The following KIAA0319 variants were observed in gnomAD, a reference collection of about 807,000 sequenced individuals.
KIAA0319 encodes KIAA0319.
In KIAA0319, 83 loss-of-function variants were observed where a neutral mutation model predicts 108.4. The ratio of observed to expected loss-of-function variants is 0.77; its 90% confidence interval spans 0.64 to 0.92. The LOEUF is 0.92. Ranked by LOEUF, KIAA0319 falls within the 40% of genes least tolerant of loss-of-function variation. The pLI, the probability that KIAA0319 is intolerant of heterozygous loss-of-function variation, is 0.00. For synonymous variants in KIAA0319, 484 were observed against 510.4 expected, an observed-to-expected ratio of 0.95 and a Z score of 0.70; for missense variants, 1,195 against 1,322.4, an observed-to-expected ratio of 0.90 and a Z score of 1.49.
chr6:24,541,523 C>T (rs755713283), downstream of KIAA0319, among the ~76,000 whole-genome samples: 2 of 152,338 alleles, frequency 1.3e-5, no homozygotes, highest in Admixed American at 6.5e-5. Flanking sequence ...GTCAGCTGGG[C>T]GCAGTGGCTC....
rs375624674 is a variant in KIAA0319, at chr6:24,618,941, T to C, written c.-105-17733A>G. Among the ~76,000 whole-genome samples the C allele has an allele frequency of 3.8e-4, 58 of 152,232 alleles. No homozygotes were observed. In the East Asian group the frequency reaches 8.7e-3, roughly 23 times the overall value. ...CTGCTGAAGAGAGAATTTTTGAACT[T>C]AGAAGGTCACATTTGAGCAAAGACT... On this transcript the variant is annotated intron_variant, in intron 1 of 20. Transcript: ENST00000378214.
intron 2 of KIAA0319, chr6:24,598,846 A>T (rs994187531): frequency 3.4e-6 from 1 of 291,558 alleles, no homozygotes; most frequent in African/African-American, 2.2e-5. Context: ...CCTGCACTCC[A>T]GCCTGGGTGA....
intron 1 of KIAA0319, among the ~76,000 whole-genome samples, chr6:24,616,364 T>C (rs1773142959): frequency 6.6e-6 from 1 of 152,196 alleles, no homozygotes; most frequent in South Asian, 2.1e-4. Flanking sequence ...ATAAGGTTAT[T>C]ATATATTTTT....
intron 17 of KIAA0319, 87 bp downstream of exon 17, chr6:24,558,926 T>A: frequency 7.8e-7 from 1 of 1,289,582 alleles, no homozygotes; most frequent in South Asian, 1.5e-5. Flanking sequence ...AGTGAAAATG[T>A]TCACATGTCA....
Position 24,601,062 on chromosome 6 carries a change from C to G in KIAA0319, c.42G>C (p.Leu14=). 6.2e-7 allele frequency: 1 copy of G among 1,613,974 alleles called. No homozygotes were observed. Among genetic ancestry groups the G allele is most frequent in the South Asian group, 1.1e-5 (1 of 91,068 alleles). ...PTGVLSSLLL[L]VTIAGCARKQ... ...GTAGTTCCCTACCTGCAATTGTCAC[C>G]AGCAGCAGCAATGAAGAGAGCACAC... The change falls in exon 2 of 21, where the codon CTG becomes CTC. Residue 14 remains leucine (L), a synonymous_variant. Transcript: ENST00000378214.
chr6:24,641,448 A>G (rs750449701), intron 1 of KIAA0319, among the ~76,000 whole-genome samples: 47 of 152,364 alleles, frequency 3.1e-4, no homozygotes, highest in Middle Eastern at 6.8e-3. Flanking sequence ...GCAAATGGTC[A>G]AACAGGTGGA....
At chr6:24,576,321 C>A (rs1243282067) in intron 10 of KIAA0319, 47 bp downstream of exon 10, 1 of 1,369,566 alleles carries the variant, frequency 7.3e-7, no homozygotes, top group East Asian at 2.3e-5. Flanking sequence ...GCTAGGTAGA[C>A]AGACAGACAG....
chr6:24,590,600 AT>A (rs999214553), intron 3 of KIAA0319, among the ~76,000 whole-genome samples: 10 of 151,756 alleles, frequency 6.6e-5, no homozygotes, highest in South Asian at 2.1e-4. Flanking sequence ...GATGAATTGA[AT>A]TTTTTTTTAA....
chr6:24,540,221 C>CTTA (rs76367539), downstream of KIAA0319, among the ~76,000 whole-genome samples: 99,471 of 151,790 alleles, frequency 0.66, 33,153 homozygotes, highest in Middle Eastern at 0.7. Context: ...AGCATAGTCA[C>CTTA]TTATTATATA....
chr6:24,609,216 C>T (rs1771917222), intron 1 of KIAA0319, among the ~76,000 whole-genome samples: 1 of 139,160 alleles, frequency 7.2e-6, no homozygotes, highest in Admixed American at 7.6e-5. Context: ...TGCAGTGAGC[C>T]GAGATTATGC....
chr6:24,571,378 C>CAAA (rs34896696), intron 11 of KIAA0319, among the ~76,000 whole-genome samples: 1 of 118,708 alleles, frequency 8.4e-6, no homozygotes, highest in African/African-American at 3.2e-5. Flanking sequence ...CCCTGTCTCA[C>CAAA]AAAAAAAAAA....
At position 24,547,116 on chromosome 6, in the gene KIAA0319, A is replaced by C. The variant is rs751504655; in HGVS notation, c.*49T>G. 1.6e-5 allele frequency: 25 copies of C among 1,586,556 alleles called. No individual in the cohort carries two copies. Among genetic ancestry groups the C allele is most frequent in the Non-Finnish European group, 2.2e-5 (25 of 1,156,714 alleles). On this transcript the variant is annotated 3_prime_UTR_variant, in exon 21 of 21. Transcript: ENST00000378214. ...GGGTTTTGTGCTGTAACTCCCACTG[A>C]CTGGTCTTGGATTCAAGGGGTCCTT...
chr6:24,541,882 G>A (rs1408538467), downstream of KIAA0319, among the ~76,000 whole-genome samples: 1 of 152,206 alleles, frequency 6.6e-6, no homozygotes, highest in East Asian at 1.9e-4. Flanking sequence ...GCCCATGCCT[G>A]TAGTCCCAGT....
At chr6:24,583,774 C>G in intron 4 of KIAA0319, 72 bp from the exon 5 acceptor site, 1 of 930,150 alleles carries the variant, frequency 1.1e-6, no homozygotes. Flanking sequence ...TACACTAGAT[C>G]TGTTTTTGGT....
In KIAA0319 at chr6:24,578,242, T is replaced by C. The variant is rs1765840764; in HGVS notation, c.1373A>G (p.Gln458Arg). 1 of 1,582,090 alleles carries C rather than the reference T, an allele frequency of 6.3e-7. No homozygotes were observed. Among genetic ancestry groups the C allele is most frequent in the Non-Finnish European group, 8.6e-7 (1 of 1,157,408 alleles). The change falls in exon 9 of 21, where the codon CAA becomes CGA. Residue 458 changes from glutamine (Q) to arginine (R), a missense_variant and splice_region_variant. Coordinates refer to ENST00000378214, the MANE Select transcript of KIAA0319 (RefSeq NM_014809.4). ...PLTSALIDGS[Q>R]STDDTEIVSY... Reference sequence around the variant, plus strand: ...CACTATTTCAGTATCATCTGTACTTTCTACAAGATTAAGAAATAAAGACAA... The same window carrying C: ...CACTATTTCAGTATCATCTGTACTTCCTACAAGATTAAGAAATAAAGACAA...
intron 1 of KIAA0319, among the ~76,000 whole-genome samples, chr6:24,625,342 AT>A (rs888919020): frequency 6.6e-6 from 1 of 152,152 alleles, no homozygotes; most frequent in African/African-American, 2.4e-5. Context: ...TTAGGGATGG[AT>A]TTATTAACAA....
rs1365470886 is a variant in KIAA0319, at chr6:24,556,633, T to C, written c.2831A>G (p.Tyr944Cys). The change falls in exon 18 of 21, where the codon TAT becomes TGT. Residue 944 changes from tyrosine (Y) to cysteine (C), a missense_variant. Tyr to Cys is a radical substitution (Grantham distance 194). Coordinates refer to ENST00000378214, the MANE Select transcript of KIAA0319 (RefSeq NM_014809.4). ...HLWMENLIQR[Y>C]IWDGESNCEW... ...ACAGTTGCTCTCTCCATCCCAGATA[T>C]AACGCTGTATAAGGTTCTCCATCCA... is the stretch of plus-strand genomic sequence containing the variant. 16 of 1,613,934 alleles carry C rather than the reference T, an allele frequency of 9.9e-6. No individual in the cohort carries two copies. Among genetic ancestry groups the C allele is most frequent in the Non-Finnish European group, 1.4e-5 (16 of 1,179,976 alleles).
rs766462374 is a variant in KIAA0319, at chr6:24,556,683, T to G, written c.2781A>C (p.Thr927=). The change falls in exon 18 of 21, where the codon ACA becomes ACC. Residue 927 remains threonine, a synonymous_variant. Transcript: ENST00000378214. ...CSGHGHCDPL[T]KRCICSHLWM... ...ATAAGTGAGAGCAAATGCAGCGCTT[T>G]GTGAGGGGGTCGCAGTGACCATGGC... 1 of 1,614,058 alleles carries G rather than the reference T, an allele frequency of 6.2e-7. No individual in the cohort carries two copies. The highest frequency in any genetic ancestry group is 8.5e-7 in the Non-Finnish European group (1 of 1,179,982).
intron 1 of KIAA0319, among the ~76,000 whole-genome samples, chr6:24,610,447 G>T (rs1421993783): frequency 3.3e-5 from 5 of 152,308 alleles, no homozygotes; most frequent in Admixed American, 6.5e-5. Flanking sequence ...TGTCAAGCAT[G>T]TGAGAAATTG....
Sources: gnomAD v4.1 joint callset for allele counts (sites outside exome capture counted in the v4.1 genomes callset) on GRCh38, gnomAD v4.1.1 for gene constraint, MANE v1.5 for transcripts, NCBI Gene and HGNC (gene_info 2026-07-23, HGNC 2026-07-21) for gene names.